Variants in MAST3 observed in about 807,000 individuals in gnomAD.
The protein encoded by MAST3 is microtubule-associated serine/threonine-protein kinase 3.
A neutral mutation model predicts 127.0 loss-of-function variants in MAST3; 43 were observed. That is an observed-to-expected ratio of 0.34 (90% CI 0.27 to 0.44). The LOEUF (loss-of-function observed/expected upper bound fraction) is 0.44, where lower values mean the gene tolerates loss of function less well. Ranked by LOEUF, MAST3 falls within the 20% of genes least tolerant of loss-of-function variation. The pLI is 1.00. For missense variants in MAST3, 1,390 were observed against 1,919.1 expected, an observed-to-expected ratio of 0.72 and a Z score of 5.15; for synonymous variants, 785 against 809.2, an observed-to-expected ratio of 0.97 and a Z score of 0.51.
At chr19:18,147,661 C>T in intron 27 of MAST3, 37 bp downstream of exon 27, 1 of 1,435,544 alleles carries the variant, frequency 7.0e-7, no homozygotes, top group South Asian at 1.4e-5. Context: ...CCCGGCTACC[C>T]TGGGAGCAAG....
At chr19:18,127,639 T>A (rs1034738966) in intron 11 of MAST3, among the ~76,000 whole-genome samples, 41 of 151,044 alleles carry the variant, frequency 2.7e-4, no homozygotes, top group African/African-American at 9.5e-4. Context: ...AGCCAAGATC[T>A]CGCCACTGCA....
At chr19:18,148,547 G>A (rs1243250302) in intron 27 of MAST3, among the ~76,000 whole-genome samples, 1 of 152,114 alleles carries the variant, frequency 6.6e-6, no homozygotes, top group Non-Finnish European at 1.5e-5. Flanking sequence ...CTGGGGCTTT[G>A]ATGGGTGAGT....
At chr19:18,132,352 A>G (rs1337341152) in intron 15 of MAST3, among the ~76,000 whole-genome samples, 2 of 152,198 alleles carry the variant, frequency 1.3e-5, no homozygotes, top group Non-Finnish European at 2.9e-5. Context: ...CTTAGGATGC[A>G]CACACTGTAT....
chr19:18,122,832 G>T (rs1293418879), intron 6 of MAST3, 81 bp downstream of exon 6: 1 of 1,405,672 alleles, frequency 7.1e-7, no homozygotes, highest in Non-Finnish European at 9.9e-7. Flanking sequence ...TTTTTTCAAG[G>T]TGTTGGATAG....
At chr19:18,122,821 T>C (rs2040159582) in intron 6 of MAST3, 70 bp downstream of exon 6, 1 of 1,481,846 alleles carries the variant, frequency 6.7e-7, no homozygotes, top group South Asian at 1.2e-5. Flanking sequence ...TCTTTGTGTG[T>C]TTTTTTCAAG....
chr19:18,146,969 G>A lies in MAST3; in HGVS notation c.3251G>A (p.Arg1084His), dbSNP rs368347245. 33 of 1,564,332 alleles carry A rather than the reference G, an allele frequency of 2.1e-5. No individual in the cohort carries two copies. Among genetic ancestry groups the A allele is most frequent in the Non-Finnish European group, 2.7e-5 (31 of 1,154,596 alleles). The change falls in exon 26 of 28, where the codon CGC becomes CAC. Residue 1084 changes from arginine to histidine, a missense_variant. By Grantham distance (29) the Arg-to-His change is conservative (BLOSUM62 0). Coordinates refer to ENST00000687212, the MANE Select transcript of MAST3 (RefSeq NM_001393504.1). The stretch of plus-strand genomic sequence containing the variant: ...GCCCGGAAGAATGTGGCCAAGGGCC[G>A]CATGGCACGCAGGAGCAAGAGGAGC... ...GPARKNVAKGRMARRSKRSRR... is the reference protein window; with the variant it reads ...GPARKNVAKGHMARRSKRSRR...
chr19:18,140,358 G>A (rs978780527), intron 20 of MAST3, among the ~76,000 whole-genome samples: 6 of 151,808 alleles, frequency 4.0e-5, no homozygotes, highest in African/African-American at 9.7e-5. Flanking sequence ...CAGCCTGGGC[G>A]ACAGAGCGAG....
Position 18,141,899 on chromosome 19 carries a change from G to T in MAST3, c.2223G>T (p.Glu741Asp). ...CCTCCCAGGTCTACAGCAGCTCTGAGTTCCTGGCCGTCCAGCCCACTCCTA... is the reference window on the plus strand; with the variant it reads ...CCTCCCAGGTCTACAGCAGCTCTGATTTCCTGGCCGTCCAGCCCACTCCTA... ...HRFSKVYSSS[E>D]FLAVQPTPTF... is the part of the protein sequence containing the mutation. The change falls in exon 21 of 28, where the codon GAG becomes GAT. Residue 741 changes from glutamate to aspartate, a missense_variant. Glu to Asp is a conservative substitution (Grantham distance 45). This residue lies in a region of MAST3 where 816 missense variants were observed against 934.1 expected (regional missense o/e 0.87). Coordinates refer to ENST00000687212, the MANE Select transcript of MAST3 (RefSeq NM_001393504.1). The T allele has an allele frequency of 6.7e-7, 1 of 1,497,586 alleles. No homozygotes were observed. The highest frequency in any genetic ancestry group is 8.9e-7 in the Non-Finnish European group (1 of 1,117,480). 92.8% of individuals were successfully genotyped at this position (1,497,586 alleles called of 1,614,324 possible).
intron 1 of MAST3, among the ~76,000 whole-genome samples, chr19:18,101,092 CG>C (rs577475753): frequency 6.6e-6 from 1 of 152,182 alleles, no homozygotes; most frequent in Non-Finnish European, 1.5e-5. Context: ...GTGCAGGCAC[CG>C]GGTAACGTGA....
rs1192359640 is a variant in MAST3, at chr19:18,144,801, G to A, written c.2812+108G>A. ...GCTGGGGATGAGCCCCAGAAGAGGG[G>A]AGGAGGAGTAGGACACATGGAGAGC... On this transcript the variant is annotated intron_variant, in intron 23 of 27. Transcript: ENST00000687212. The surrounding 1 kb of genome is among the most constrained non-coding windows in gnomAD (Gnocchi z 4.0). 1 of 1,234,778 alleles carries A rather than the reference G, an allele frequency of 8.1e-7. No homozygotes were observed. Among genetic ancestry groups the A allele is most frequent in the Non-Finnish European group, 1.2e-6 (1 of 860,432 alleles). 76.5% of individuals were successfully genotyped at this position (1,234,778 alleles called of 1,614,324 possible). A position where few individuals can be genotyped will look rare whatever the true frequency, so the allele number is the denominator to read the frequency against.
intron 5 of MAST3, among the ~76,000 whole-genome samples, chr19:18,122,397 G>C (rs1270886623): frequency 6.6e-6 from 1 of 151,772 alleles, no homozygotes; most frequent in Non-Finnish European, 1.5e-5. Flanking sequence ...TTGGTGGGGG[G>C]TGGTCAATGT....
At position 18,128,937 on chromosome 19, in the gene MAST3, C is replaced by G; in HGVS notation, c.1209C>G (p.Ser403Arg). The change falls in exon 13 of 28, where the codon AGC (serine) becomes AGG (arginine). Residue 403 changes from serine (S) to arginine (R), a missense_variant. Around this residue, in one of 5 missense-constraint regions of MAST3, gnomAD observed 277 missense variants for 384.8 expected, o/e 0.72. Transcript: ENST00000687212. ...ACTTTGAGACCATCAAACTCATTAG[C>G]AACGGAGCCTATGGGTGAGTCCCTG... ...ESDFETIKLI[S>R]NGAYGAVYLV... The G allele has an allele frequency of 6.2e-7, 1 of 1,613,934 alleles. No individual in the cohort carries two copies. The highest frequency in any genetic ancestry group is 8.5e-7 in the Non-Finnish European group (1 of 1,179,864).
intron 14 of MAST3, 21 bp downstream of exon 14, chr19:18,130,723 A>T (rs766981581): frequency 6.2e-7 from 1 of 1,608,262 alleles, no homozygotes; most frequent in Admixed American, 1.7e-5. Context: ...TGGGGCTTGC[A>T]TGCCTCCAGC....
At chr19:18,104,524 C>A (rs2037913507) in intron 1 of MAST3, among the ~76,000 whole-genome samples, 1 of 152,158 alleles carries the variant, frequency 6.6e-6, no homozygotes, top group African/African-American at 2.4e-5. Context: ...CAGCTTCCGG[C>A]CCCCTCCAAT....
chr19:18,117,418 CCA>C (rs1208066199), intron 3 of MAST3, among the ~76,000 whole-genome samples: 4 of 152,170 alleles, frequency 2.6e-5, no homozygotes, highest in East Asian at 1.9e-4. Context: ...GCCTTTCCCG[CCA>C]CACACAGACA....
chr19:18,098,643 A>G (rs2037241537), intron 1 of MAST3: 1 of 451,600 alleles, frequency 2.2e-6, no homozygotes, highest in Admixed American at 2.4e-5. Flanking sequence ...TGTCCCCATT[A>G]TAAGAAAAGA....
At chr19:18,138,445 A>G (rs2147597564) in intron 19 of MAST3, among the ~76,000 whole-genome samples, 1 of 151,920 alleles carries the variant, frequency 6.6e-6, no homozygotes, top group East Asian at 2.0e-4. Flanking sequence ...CCTCCCGAGT[A>G]GTCGGGATTA....
rs1453641905 is a variant in MAST3, at chr19:18,123,380, C to G, written c.557+6C>G. 1 of 1,607,614 alleles carries G rather than the reference C, an allele frequency of 6.2e-7. No homozygotes were observed. Among genetic ancestry groups the G allele is most frequent in the East Asian group, 2.2e-5 (1 of 44,780 alleles). On this transcript the variant is annotated splice_donor_region_variant and intron_variant, in intron 7 of 27. Coordinates refer to ENST00000687212, the MANE Select transcript of MAST3 (RefSeq NM_001393504.1). ...CCCCGCTCTCGCAGTCTCAGGTGGG[C>G]CGCGACCTCTGGCCCCAGCCCCGGC...
rs767805098 is a variant in MAST3 at position 18,143,969 on chromosome 19, C to G, written c.2546C>G (p.Ala849Gly). The change falls in exon 22 of 28, where the codon GCG becomes GGG. Residue 849 changes from alanine (A) to glycine (G), a missense_variant. Around this residue, in one of 5 missense-constraint regions of MAST3, gnomAD observed 816 missense variants for 934.1 expected, o/e 0.87. Transcript: ENST00000687212. The stretch of plus-strand genomic sequence containing the variant: ...CTAGGGGAGCCTGACCCCCCACCAG[C>G]GGCCACCCCAGTGATGCCCAAGCCC... ...FILGEPDPPP[A>G]ATPVMPKPSS... 1 of 1,592,608 alleles carries G rather than the reference C, an allele frequency of 6.3e-7. No homozygotes were observed. The highest frequency in any genetic ancestry group is 1.3e-5 in the African/African-American group (1 of 74,518).
Sources: gnomAD v4.1 joint callset for allele counts (sites outside exome capture counted in the v4.1 genomes callset) on GRCh38, gnomAD v4.1.1 for gene constraint, gnomAD v4.1.1 regional missense constraint, Gnocchi (gnomAD v3.1) non-coding constraint, MANE v1.5 for transcripts, NCBI Gene and HGNC (gene_info 2026-07-23, HGNC 2026-07-21) for gene names.